Variants in ACKR3 observed in about 807,000 individuals in gnomAD.
ACKR3 encodes the protein atypical chemokine receptor 3.
ACKR3 carries 6 observed loss-of-function variants against 22.4 expected under a neutral mutation model. The observed-to-expected ratio is 0.27, with a 90% CI of 0.15 to 0.53. The LOEUF (loss-of-function observed/expected upper bound fraction) is 0.53. ACKR3 is among the 20% of genes least tolerant of loss of function. The pLI, the probability that ACKR3 is intolerant of heterozygous loss-of-function variation, is 0.96. For synonymous variants in ACKR3, 209 were observed against 205.2 expected (o/e 1.02, Z -0.16); for missense variants, 396 against 475.2 (o/e 0.83, Z 1.55).
Position 236,580,719 on chromosome 2 carries a change from A to C in ACKR3, c.254A>C (p.Asn85Thr). The C allele has an allele frequency of 6.2e-7, 1 of 1,613,772 alleles. No homozygotes were observed. The highest frequency in any genetic ancestry group is 8.5e-7 in the Non-Finnish European group (1 of 1,179,948). Reference sequence around the variant, plus strand: ...TATGACACGCACTGCTACATCTTGAACCTGGCCATTGCCGACCTGTGGGTT... The same window carrying C: ...TATGACACGCACTGCTACATCTTGACCCTGGCCATTGCCGACCTGTGGGTT... ...TGYDTHCYIL[N>T]LAIADLWVVL... The change falls in exon 2 of 2, where the codon AAC becomes ACC. Residue 85 changes from asparagine to threonine, a missense_variant. Asn to Thr is a moderately conservative substitution (Grantham distance 65). Transcript: ENST00000272928.
At chr2:236,568,967 C>T (rs2106497274), upstream of ACKR3, among the ~76,000 whole-genome samples, 1 of 152,254 alleles carries the variant, frequency 6.6e-6, no homozygotes, top group South Asian at 2.1e-4. Flanking sequence ...ATCTTATGGA[C>T]GATTTTTGTA....
chr2:236,570,826 GTC>G (rs1460023731), intron 1 of ACKR3, among the ~76,000 whole-genome samples: 1 of 148,916 alleles, frequency 6.7e-6, no homozygotes, highest in East Asian at 2.0e-4. Context: ...CAGACTGGCT[GTC>G]TCTCTTTCTC....
chr2:236,545,299 C>T, the ACKR3 span, among the ~76,000 whole-genome samples: 18 of 152,214 alleles, frequency 1.2e-4, no homozygotes, highest in East Asian at 1.9e-4. The surrounding 1 kb of genome is among the most constrained non-coding windows in gnomAD (Gnocchi z 5.3). Context: ...GGCTCACTCA[C>T]GGGTCTGAAA....
At chr2:236,544,288 G>T in the ACKR3 span, among the ~76,000 whole-genome samples, 1 of 151,954 alleles carries the variant, frequency 6.6e-6, no homozygotes, top group Non-Finnish European at 1.5e-5. This position sits in a 1 kb window ranked among gnomAD's most constrained non-coding sequence, Gnocchi z 5.0. Flanking sequence ...GCGCCCGGAG[G>T]GGTTCATATC....
the ACKR3 span, among the ~76,000 whole-genome samples, chr2:236,541,302 T>C: frequency 2.6e-5 from 4 of 152,250 alleles, no homozygotes; most frequent in East Asian, 7.7e-4. Context: ...GGTTATGTGT[T>C]AATACCAGGA....
the ACKR3 span, among the ~76,000 whole-genome samples, chr2:236,560,917 T>A: frequency 2.0e-5 from 3 of 152,182 alleles, no homozygotes; most frequent in Non-Finnish European, 4.4e-5. Context: ...ATGTCCTTTG[T>A]CAGGTGAATG....
the ACKR3 span, among the ~76,000 whole-genome samples, chr2:236,538,648 A>G: frequency 6.6e-6 from 1 of 152,256 alleles, no homozygotes; most frequent in Non-Finnish European, 1.5e-5. Context: ...CTTGATGAGT[A>G]GATATCTGCC....
At position 236,574,640 on chromosome 2, in the gene ACKR3, C is replaced by T. The variant is rs1691370546; in HGVS notation, c.-27+4716C>T. Among the ~76,000 whole-genome samples, 1 of 152,128 alleles carries T rather than the reference C, an allele frequency of 6.6e-6. No individual in the cohort carries two copies. Among genetic ancestry groups the T allele is most frequent in the African/African-American group, 2.4e-5 (1 of 41,406 alleles). Reference sequence around the variant, plus strand: ...AGCGTGAGGACATGCTGATTGCATACTCAGCCACCACCCATGAAGGCTCTA... The same window carrying T: ...AGCGTGAGGACATGCTGATTGCATATTCAGCCACCACCCATGAAGGCTCTA... On this transcript the variant is annotated intron_variant, in intron 1 of 1. Coordinates refer to ENST00000272928, the MANE Select transcript of ACKR3 (RefSeq NM_020311.3). The surrounding 1 kb of genome is among the most constrained non-coding windows in gnomAD (Gnocchi z 5.6).
At chr2:236,554,461 A>G in the ACKR3 span, among the ~76,000 whole-genome samples, 1 of 152,202 alleles carries the variant, frequency 6.6e-6, no homozygotes, top group African/African-American at 2.4e-5. Flanking sequence ...ACTCTAAGGA[A>G]GATGGGATTA....
upstream of ACKR3, among the ~76,000 whole-genome samples, chr2:236,567,622 C>G (rs997768147): frequency 1.3e-5 from 2 of 152,234 alleles, no homozygotes; most frequent in Admixed American, 6.5e-5. Context: ...GTTCAGGCCC[C>G]AAGCACCCAG....
chr2:236,560,846 C>T, the ACKR3 span, among the ~76,000 whole-genome samples: 1 of 152,162 alleles, frequency 6.6e-6, no homozygotes, highest in African/African-American at 2.4e-5. Context: ...TGAGGAGATA[C>T]AAACACTTCT....
chr2:236,545,882 G>A, the ACKR3 span, among the ~76,000 whole-genome samples: 2 of 152,094 alleles, frequency 1.3e-5, no homozygotes, highest in East Asian at 1.9e-4. This position sits in a 1 kb window ranked among gnomAD's most constrained non-coding sequence, Gnocchi z 5.3. Context: ...TTCACACACC[G>A]AAAACATACG....
chr2:236,578,418 T>G (rs1559473035), intron 1 of ACKR3, among the ~76,000 whole-genome samples: 1 of 152,218 alleles, frequency 6.6e-6, no homozygotes. Context: ...AGGGCTTGAT[T>G]CCTCCTAGTG....
chr2:236,564,204 T>C (rs1396233347), upstream of ACKR3, among the ~76,000 whole-genome samples: 1 of 152,192 alleles, frequency 6.6e-6, no homozygotes, highest in Non-Finnish European at 1.5e-5. Context: ...TGGCATGAGG[T>C]GTAACCCAGT....
At chr2:236,548,803 A>G in the ACKR3 span, among the ~76,000 whole-genome samples, 2 of 152,206 alleles carry the variant, frequency 1.3e-5, no homozygotes, top group Admixed American at 6.5e-5. The surrounding 1 kb of genome is among the most constrained non-coding windows in gnomAD (Gnocchi z 4.3). Context: ...ACAGTTCAGT[A>G]TTTATTTAAT....
the ACKR3 span, among the ~76,000 whole-genome samples, chr2:236,562,373 C>T: frequency 6.6e-6 from 1 of 152,044 alleles, no homozygotes. Flanking sequence ...GGTTTTATGT[C>T]TCTCTTTATG....
chr2:236,541,235 T>C, the ACKR3 span, among the ~76,000 whole-genome samples: 2 of 152,248 alleles, frequency 1.3e-5, no homozygotes, highest in Non-Finnish European at 2.9e-5. Flanking sequence ...ATTTCTTAAC[T>C]TTCAGTCTTT....
At chr2:236,547,140 C>G in the ACKR3 span, among the ~76,000 whole-genome samples, 1 of 152,172 alleles carries the variant, frequency 6.6e-6, no homozygotes, top group Non-Finnish European at 1.5e-5. Context: ...GTTGTGAGAC[C>G]TCAGCAATAA....
At chr2:236,575,634 C>CTGTG (rs1163273230) in intron 1 of ACKR3, among the ~76,000 whole-genome samples, 2 of 64,168 alleles carry the variant, frequency 3.1e-5, no homozygotes, top group African/African-American at 1.8e-4. Flanking sequence ...TGGGGTTGTG[C>CTGTG]TGTGTGTGCG....
Sources: gnomAD v4.1 joint callset for allele counts (sites outside exome capture counted in the v4.1 genomes callset) on GRCh38, gnomAD v4.1.1 for gene constraint, Gnocchi (gnomAD v3.1) non-coding constraint, MANE v1.5 for transcripts, NCBI Gene and HGNC (gene_info 2026-07-23, HGNC 2026-07-21) for gene names.